The following CREB5 variants were observed in gnomAD, a reference collection of about 807,000 sequenced individuals.
CREB5 encodes the protein cAMP responsive element binding protein 5, also known as cyclic AMP-responsive element-binding protein 5.
Under a neutral mutation model 57.1 loss-of-function variants are expected in CREB5, and 19 were observed. The observed-to-expected ratio is 0.33, with a 90% CI of 0.23 to 0.49. CREB5 has a LOEUF of 0.49. Ranked by LOEUF, CREB5 falls within the 20% of genes least tolerant of loss-of-function variation. CREB5 has a pLI of 0.99. For missense variants in CREB5, 579 were observed against 671.6 expected, an observed-to-expected ratio of 0.86 and a Z score of 1.52; for synonymous variants, 238 against 238.3, an observed-to-expected ratio of 1.00 and a Z score of 0.01.
intron 1 of CREB5, among the ~76,000 whole-genome samples, chr7:28,371,900 A>T (rs1786713066): frequency 6.6e-6 from 1 of 152,196 alleles, no homozygotes; most frequent in African/African-American, 2.4e-5. Flanking sequence ...AATCTGCTTA[A>T]GAAGGCAGGA....
At chr7:28,752,808 A>G (rs942472814) in intron 7 of CREB5, among the ~76,000 whole-genome samples, 2 of 152,318 alleles carry the variant, frequency 1.3e-5, no homozygotes, top group African/African-American at 4.8e-5. Context: ...ATGAGAAAAA[A>G]ACAGCAGAAT....
chr7:28,619,032 G>A (rs150502669), intron 5 of CREB5, among the ~76,000 whole-genome samples: 45 of 152,288 alleles, frequency 3.0e-4, no homozygotes, highest in South Asian at 6.2e-4. Context: ...TGAGGAATTC[G>A]TTGGTTAAGA....
chr7:28,673,657 CTTTTTTTTTTTTTTTTTTT>C (rs549391329), intron 5 of CREB5, among the ~76,000 whole-genome samples: 2 of 55,730 alleles, frequency 3.6e-5, no homozygotes, highest in African/African-American at 1.5e-4. Context: ...CTCTCTCTCT[CTTTTTTTTTTTTTTTTTTT>C]TTTTTTTTTT....
At chr7:28,682,971 C>T (rs1432435637) in intron 5 of CREB5, among the ~76,000 whole-genome samples, 1 of 152,186 alleles carries the variant, frequency 6.6e-6, no homozygotes, top group African/African-American at 2.4e-5. Flanking sequence ...GAGTGAGTTA[C>T]ACCGAACAGC....
chr7:28,376,397 T>A (rs946064849), intron 1 of CREB5, among the ~76,000 whole-genome samples: 3 of 151,424 alleles, frequency 2.0e-5, no homozygotes, highest in African/African-American at 7.3e-5. Flanking sequence ...GCCTCCTGAG[T>A]AGCTGGGACT....
chr7:28,435,833 A>T (rs1788938224), intron 1 of CREB5: 3 of 242,744 alleles, frequency 1.2e-5, no homozygotes, highest in Non-Finnish European at 2.0e-5. Flanking sequence ...GAGCTGGAAG[A>T]TTGGTGACTC....
chr7:28,646,206 A>T (rs969782865), intron 5 of CREB5, among the ~76,000 whole-genome samples: 1 of 152,178 alleles, frequency 6.6e-6, no homozygotes, highest in African/African-American at 2.4e-5. Flanking sequence ...GAGAACCCTG[A>T]CCAGGAGCTA....
At chr7:28,780,141 C>T (rs1806886970) in intron 7 of CREB5, among the ~76,000 whole-genome samples, 1 of 152,168 alleles carries the variant, frequency 6.6e-6, no homozygotes, top group South Asian at 2.1e-4. Context: ...TTCTGCTTCT[C>T]TCCACTCCTT....
Position 28,525,943 on chromosome 7 carries a change from G to C in CREB5, c.291+18206G>C, listed in dbSNP as rs369620491. Among the ~76,000 whole-genome samples the C allele has an allele frequency of 1.2e-4, 19 of 152,098 alleles. No homozygotes were observed. In the East Asian group the frequency reaches 3.3e-3, roughly 26 times the overall value. On this transcript the variant is annotated intron_variant, in intron 4 of 10. Coordinates refer to ENST00000357727, the MANE Select transcript of CREB5 (RefSeq NM_182898.4). Reference sequence around the variant, plus strand: ...ATAAAGTACTGTAGCTTGTATTCAGGGGTTCTCGATAATTCTAATTCTCTT... The same window carrying C: ...ATAAAGTACTGTAGCTTGTATTCAGCGGTTCTCGATAATTCTAATTCTCTT...
intron 5 of CREB5, among the ~76,000 whole-genome samples, chr7:28,618,560 G>T (rs1276895129): frequency 6.6e-6 from 1 of 152,164 alleles, no homozygotes; most frequent in South Asian, 2.1e-4. Flanking sequence ...CAGGCTGCCT[G>T]TTGGCTCTGT....
At chr7:28,813,350 G>A (rs1455123410) in intron 9 of CREB5, among the ~76,000 whole-genome samples, 4 of 152,196 alleles carry the variant, frequency 2.6e-5, no homozygotes, top group African/African-American at 9.7e-5. Context: ...GTTCAGTAGA[G>A]GATATGGAAA....
chr7:28,684,700 G>A (rs1471136966), intron 5 of CREB5, among the ~76,000 whole-genome samples: 1 of 152,032 alleles, frequency 6.6e-6, no homozygotes, highest in East Asian at 1.9e-4. Flanking sequence ...AGGCATTAGG[G>A]GCAATAGACT....
At chr7:28,620,099 C>T (rs73684218) in intron 5 of CREB5, among the ~76,000 whole-genome samples, 2,940 of 152,098 alleles carry the variant, frequency 0.019, 102 homozygotes, top group African/African-American at 0.067. Flanking sequence ...ATTTTTAAAA[C>T]GGTACAATTT....
At chr7:28,530,670 CG>C (rs1562777963) in intron 4 of CREB5, among the ~76,000 whole-genome samples, 1 of 152,182 alleles carries the variant, frequency 6.6e-6, no homozygotes, top group Non-Finnish European at 1.5e-5. Flanking sequence ...CCTGGCTTTT[CG>C]CCATAGTTAG....
At chr7:28,668,465 C>T (rs1799911322) in intron 5 of CREB5, among the ~76,000 whole-genome samples, 1 of 152,202 alleles carries the variant, frequency 6.6e-6, no homozygotes, top group African/African-American at 2.4e-5. Context: ...TTTAATTATG[C>T]AACTGTGAGT....
At chr7:28,306,153 T>C (rs773918036) in intron 1 of CREB5, among the ~76,000 whole-genome samples, 1 of 152,206 alleles carries the variant, frequency 6.6e-6, no homozygotes, top group Non-Finnish European at 1.5e-5. Flanking sequence ...AAAGCGTCCA[T>C]AATTGTAACA....
At chr7:28,519,362 C>G (rs765071382) in intron 4 of CREB5, among the ~76,000 whole-genome samples, 4 of 152,086 alleles carry the variant, frequency 2.6e-5, no homozygotes, top group Non-Finnish European at 4.4e-5. Flanking sequence ...CTGGGAAGTT[C>G]TGGCAGACAT....
At chr7:28,651,037 G>A (rs2128706611) in intron 5 of CREB5, among the ~76,000 whole-genome samples, 1 of 152,190 alleles carries the variant, frequency 6.6e-6, no homozygotes, top group Non-Finnish European at 1.5e-5. Flanking sequence ...GTAAAAGGGA[G>A]AATGGGAATA....
chr7:28,668,471 T>C (rs1799911547), intron 5 of CREB5, among the ~76,000 whole-genome samples: 1 of 152,168 alleles, frequency 6.6e-6, no homozygotes, highest in South Asian at 2.1e-4. Flanking sequence ...TATGCAACTG[T>C]GAGTGTGGTT....
Sources: allele counts gnomAD v4.1 joint callset (sites outside exome capture counted in the v4.1 genomes callset), GRCh38; gene constraint gnomAD v4.1.1; transcripts MANE v1.5; gene names NCBI Gene and HGNC (gene_info 2026-07-23, HGNC 2026-07-21).